The following FGF13 variants were observed in gnomAD, a reference collection of about 807,000 sequenced individuals.
FGF13 encodes fibroblast growth factor 13.
Under a neutral mutation model 19.5 loss-of-function variants are expected in FGF13, and 2 were observed. The observed-to-expected ratio is 0.10, with a 90% CI of 0.04 to 0.32. The LOEUF (loss-of-function observed/expected upper bound fraction) is 0.32. FGF13 is among the 10% of genes least tolerant of loss of function. FGF13 has a pLI of 1.00. For missense variants in FGF13, 113 were observed against 192.7 expected (o/e 0.59, Z 2.45); for synonymous variants, 72 against 76.9 (o/e 0.94, Z 0.33).
At chrX:138,757,614 G>A (rs970609357) in intron 3 of FGF13, among the ~76,000 whole-genome samples, 12 of 110,707 alleles carry the variant, frequency 1.1e-4, no homozygotes, top group African/African-American at 3.6e-4. Flanking sequence ...ACATGGCAAC[G>A]GAGCACAGGA....
At chrX:138,840,385 C>T (rs1342297818) in intron 3 of FGF13, among the ~76,000 whole-genome samples, 1 of 111,805 alleles carries the variant, frequency 8.9e-6, no homozygotes, top group African/African-American at 3.2e-5. Flanking sequence ...AAACAGTTTA[C>T]ACACAGGGAG....
At chrX:138,954,999 C>G (rs888976088) in intron 1 of FGF13, among the ~76,000 whole-genome samples, 7 of 112,503 alleles carry the variant, frequency 6.2e-5, no homozygotes, top group African/African-American at 2.3e-4. Context: ...CTCCCTGCAT[C>G]AGTGGTTCCC....
At chrX:138,880,641 T>C (rs1602993292) in intron 1 of FGF13, among the ~76,000 whole-genome samples, 1 of 111,928 alleles carries the variant, frequency 8.9e-6, no homozygotes, top group Admixed American at 9.5e-5. Context: ...TGGGTTCAAC[T>C]TGCATGTGGA....
chrX:138,636,622 A>G (rs942661647), intron 3 of FGF13, among the ~76,000 whole-genome samples: 2 of 112,217 alleles, frequency 1.8e-5, no homozygotes, highest in African/African-American at 6.5e-5. Flanking sequence ...AGAGTAGCAA[A>G]GGGCCTACTT....
At chrX:138,660,044 T>TAGAA (rs2089475532) in intron 3 of FGF13, among the ~76,000 whole-genome samples, 1 of 111,350 alleles carries the variant, frequency 9.0e-6, no homozygotes, top group Non-Finnish European at 1.9e-5. Flanking sequence ...CCTGCACTTC[T>TAGAA]GCACATGTAT....
chrX:139,053,276 T>C (rs1218270601), intron 1 of FGF13, among the ~76,000 whole-genome samples: 5 of 111,251 alleles, frequency 4.5e-5, no homozygotes, highest in African/African-American at 1.6e-4. Flanking sequence ...AGCAGTGGGA[T>C]TGCTGGGTCA....
intron 1 of FGF13, among the ~76,000 whole-genome samples, chrX:138,924,643 C>T (rs1046856723): frequency 9.0e-6 from 1 of 111,244 alleles, no homozygotes; most frequent in African/African-American, 3.3e-5. Context: ...AGCACCTATA[C>T]TGTGCTTCCC....
chrX:139,019,435 T>G (rs181569962), intron 1 of FGF13, among the ~76,000 whole-genome samples: 1 of 110,340 alleles, frequency 9.1e-6, no homozygotes, highest in South Asian at 3.8e-4. Flanking sequence ...GCACATTAAG[T>G]AAAAGCCAAA....
intron 1 of FGF13, among the ~76,000 whole-genome samples, chrX:139,140,215 A>G (rs2083832365): frequency 9.0e-6 from 1 of 111,349 alleles, no homozygotes; most frequent in South Asian, 3.8e-4. Context: ...GGAATTTCCA[A>G]ATCAAACCCA....
intron 1 of FGF13, among the ~76,000 whole-genome samples, chrX:139,086,307 G>C (rs2083403262): frequency 9.0e-6 from 1 of 111,110 alleles, no homozygotes. Context: ...CAAACATACT[G>C]TGTCAGATAA....
chrX:138,715,724 G>C (rs975071120), upstream of FGF13, among the ~76,000 whole-genome samples: 2 of 111,891 alleles, frequency 1.8e-5, no homozygotes, highest in Admixed American at 1.9e-4. Context: ...CACCCCATGA[G>C]AACATAAATT....
chrX:138,946,724 A>G (rs2091783456), intron 1 of FGF13, among the ~76,000 whole-genome samples: 1 of 111,980 alleles, frequency 8.9e-6, no homozygotes, highest in African/African-American at 3.2e-5. Context: ...ACTCTGAAAT[A>G]TATTTCCTCT....
In FGF13 at chrX:138,683,399, A is replaced by ACTCT. The variant is rs756855993; in HGVS notation, c.402+19581_402+19584dup. Among the ~76,000 whole-genome samples, 4 of 104,576 alleles carry ACTCT rather than the reference A, an allele frequency of 3.8e-5. No individual in the cohort carries two copies. In the East Asian group the frequency reaches 9.0e-4, roughly 23 times the overall value. The allele number at this position is 104,576 out of a possible 115,157, so 90.8% of individuals were successfully genotyped here. A position where few individuals can be genotyped will look rare whatever the true frequency, so the allele number is the denominator to read the frequency against. ...CAAACTAACACACACACACAAACAC[A>ACTCT]CTCTCTCTCTCTCTCTCACACACAC... On this transcript the variant is annotated intron_variant, in intron 3 of 4. Coordinates refer to ENST00000315930, the MANE Select transcript of FGF13 (RefSeq NM_004114.5).
At chrX:138,989,846 T>G (rs2092008371) in intron 1 of FGF13, among the ~76,000 whole-genome samples, 2 of 111,073 alleles carry the variant, frequency 1.8e-5, no homozygotes, top group African/African-American at 6.6e-5. Context: ...ATAACCAAGA[T>G]TCATCCATAC....
At chrX:139,005,584 C>G (rs2092097762) in intron 1 of FGF13, among the ~76,000 whole-genome samples, 3 of 110,107 alleles carry the variant, frequency 2.7e-5, no homozygotes, top group Admixed American at 9.7e-5. Context: ...ACTAAATGAA[C>G]TCAATAAGGC....
intron 3 of FGF13, among the ~76,000 whole-genome samples, chrX:138,782,372 T>C (rs1336245962): frequency 9.0e-6 from 1 of 111,540 alleles, no homozygotes; most frequent in Admixed American, 9.5e-5. Flanking sequence ...GAAGTCAAAT[T>C]GTCCCTGTTT....
intron 1 of FGF13, among the ~76,000 whole-genome samples, chrX:139,111,404 T>C (rs1289632581): frequency 8.9e-6 from 1 of 111,854 alleles, no homozygotes; most frequent in Non-Finnish European, 1.9e-5. Context: ...GAGTTCTCTT[T>C]TAGAACTGGG....
At chrX:139,018,928 A>G (rs2092165737) in intron 1 of FGF13, among the ~76,000 whole-genome samples, 1 of 110,839 alleles carries the variant, frequency 9.0e-6, no homozygotes, top group Non-Finnish European at 1.9e-5. Flanking sequence ...CATTTTCACT[A>G]CCCCAAAAAG....
chrX:138,858,717 G>A (rs749791468), intron 2 of FGF13, among the ~76,000 whole-genome samples: 1 of 109,491 alleles, frequency 9.1e-6, no homozygotes, highest in African/African-American at 3.4e-5. Context: ...GATACTACTA[G>A]CAAATTTCTT....
Sources: gnomAD v4.1 joint callset for allele counts (sites outside exome capture counted in the v4.1 genomes callset) on GRCh38, gnomAD v4.1.1 for gene constraint, MANE v1.5 for transcripts, NCBI Gene and HGNC (gene_info 2026-07-23, HGNC 2026-07-21) for gene names.